The following KCNN2 variants were observed in gnomAD, a reference collection of about 807,000 sequenced individuals.
The protein encoded by KCNN2 is small conductance calcium-activated potassium channel protein 2.
Under a neutral mutation model 55.5 loss-of-function variants are expected in KCNN2, and 24 were observed. That is an observed-to-expected ratio of 0.43 (90% confidence interval 0.31 to 0.61). The LOEUF is 0.61. KCNN2 is among the 20% of genes least tolerant of loss of function. The pLI, the probability that KCNN2 is intolerant of heterozygous loss-of-function variation, is 0.08. For synonymous variants in KCNN2, 431 were observed against 336.1 expected (o/e 1.28, Z -3.09); for missense variants, 754 against 853.6 (o/e 0.88, Z 1.45).
intron 3 of KCNN2, among the ~76,000 whole-genome samples, chr5:114,418,784 C>T (rs1181134704): frequency 6.6e-6 from 1 of 152,186 alleles, no homozygotes; most frequent in Non-Finnish European, 1.5e-5. Context: ...TTCCTGAAAG[C>T]CCCACTAATA....
At chr5:114,161,181 C>A (rs1448301872) in intron 1 of KCNN2, among the ~76,000 whole-genome samples, 1 of 152,128 alleles carries the variant, frequency 6.6e-6, no homozygotes, top group East Asian at 1.9e-4. Flanking sequence ...CCTTCAGGAG[C>A]TCTTTTAGGG....
intron 3 of KCNN2, among the ~76,000 whole-genome samples, chr5:114,449,908 A>ACACACACACACACTCGCGCGCGCG (rs1309590184): frequency 1.5e-5 from 1 of 66,120 alleles, no homozygotes; most frequent in East Asian, 3.1e-3. Context: ...ACACACACAC[A>ACACACACACACACTCGCGCGCGCG]CGCGCGCGCT....
chr5:114,421,379 C>T (rs1759466413), intron 3 of KCNN2, among the ~76,000 whole-genome samples: 1 of 152,124 alleles, frequency 6.6e-6, no homozygotes, highest in South Asian at 2.1e-4. Flanking sequence ...CAACCACCAC[C>T]TCTTGGGTTC....
At chr5:114,149,398 T>A (rs1010141592) in intron 1 of KCNN2, among the ~76,000 whole-genome samples, 2 of 152,150 alleles carry the variant, frequency 1.3e-5, no homozygotes, top group Non-Finnish European at 2.9e-5. Context: ...CGGGGCTCTT[T>A]CCTTATTCCT....
chr5:114,351,378 C>G (rs1221180842), intron 2 of KCNN2, among the ~76,000 whole-genome samples: 1 of 151,764 alleles, frequency 6.6e-6, no homozygotes, highest in East Asian at 1.9e-4. Context: ...GATCCACAGT[C>G]ATGTCCTGTA....
intron 3 of KCNN2, among the ~76,000 whole-genome samples, chr5:114,450,029 T>C (rs1019854750): frequency 1.3e-5 from 2 of 152,176 alleles, no homozygotes; most frequent in African/African-American, 4.8e-5. Context: ...CTGATCTGGC[T>C]GAACTCTGCA....
At chr5:114,118,946 C>A (rs1427823278) in intron 1 of KCNN2, among the ~76,000 whole-genome samples, 1 of 152,088 alleles carries the variant, frequency 6.6e-6, no homozygotes, top group East Asian at 1.9e-4. Flanking sequence ...ACTGACAGAC[C>A]TGGGCCTTGA....
intron 5 of KCNN2, among the ~76,000 whole-genome samples, chr5:114,486,146 T>C (rs1762430126): frequency 6.6e-6 from 1 of 152,208 alleles, no homozygotes; most frequent in South Asian, 2.1e-4. Context: ...TTCCTCCACC[T>C]AGCACCCCAG....
intron 1 of KCNN2, among the ~76,000 whole-genome samples, chr5:114,158,673 T>A (rs201806800): frequency 2.0e-5 from 3 of 151,038 alleles, no homozygotes; most frequent in Admixed American, 6.6e-5. Context: ...TCCTCTTTTA[T>A]TTCATTGAGC....
chr5:114,260,992 A>G (rs1489676773), intron 2 of KCNN2, among the ~76,000 whole-genome samples: 3 of 152,170 alleles, frequency 2.0e-5, no homozygotes, highest in African/African-American at 7.2e-5. Flanking sequence ...CAACCACTGC[A>G]GTTCCCTGGA....
chr5:114,157,063 G>C (rs1427228579), intron 1 of KCNN2, among the ~76,000 whole-genome samples: 2 of 151,396 alleles, frequency 1.3e-5, no homozygotes, highest in Non-Finnish European at 2.9e-5. Flanking sequence ...GTGCAGGTTT[G>C]TTACATATGT....
intron 3 of KCNN2, among the ~76,000 whole-genome samples, chr5:114,455,629 C>T (rs1032263524): frequency 2.0e-5 from 3 of 152,234 alleles, no homozygotes; most frequent in Non-Finnish European, 4.4e-5. Flanking sequence ...GAAGGCATTT[C>T]AAAAGCTGGG....
At chr5:114,471,018 T>G (rs930743035) in intron 4 of KCNN2, among the ~76,000 whole-genome samples, 2 of 152,238 alleles carry the variant, frequency 1.3e-5, no homozygotes, top group Non-Finnish European at 2.9e-5. Flanking sequence ...ATAGGGACAA[T>G]GTTGATTATT....
intron 1 of KCNN2, among the ~76,000 whole-genome samples, chr5:114,066,746 AT>A (rs1750460626): frequency 2.0e-5 from 3 of 151,642 alleles, no homozygotes; most frequent in African/African-American, 7.3e-5. Context: ...CGCCCAGCTA[AT>A]TTTTGTGTGT....
chr5:114,082,258 A>C (rs1009041429), intron 1 of KCNN2, among the ~76,000 whole-genome samples: 2 of 152,010 alleles, frequency 1.3e-5, no homozygotes, highest in Admixed American at 6.6e-5. Context: ...CAGGAGGTCA[A>C]GGCCACAGTG....
At chr5:114,402,682 G>A (rs915355815) in intron 2 of KCNN2, among the ~76,000 whole-genome samples, 2 of 152,118 alleles carry the variant, frequency 1.3e-5, no homozygotes, top group Non-Finnish European at 2.9e-5. Context: ...GAACAATGGC[G>A]GCCCTCGAGG....
intron 2 of KCNN2, among the ~76,000 whole-genome samples, chr5:114,389,200 T>C (rs1236745328): frequency 6.6e-6 from 1 of 152,128 alleles, no homozygotes; most frequent in Non-Finnish European, 1.5e-5. Flanking sequence ...AGCACCTGTT[T>C]TTTCCCCATT....
chr5:114,473,684 C>T (rs1324690859), intron 5 of KCNN2, among the ~76,000 whole-genome samples: 1 of 152,100 alleles, frequency 6.6e-6, no homozygotes, highest in Non-Finnish European at 1.5e-5. Context: ...TCCAGTTGGG[C>T]AATCGCTGTC....
intron 2 of KCNN2, among the ~76,000 whole-genome samples, chr5:114,262,039 A>C (rs1755119702): frequency 6.6e-6 from 1 of 152,184 alleles, no homozygotes; most frequent in Non-Finnish European, 1.5e-5. Context: ...TTATTAAGAG[A>C]AATCTGAGAG....
Sources: gnomAD v4.1 joint callset for allele counts (sites outside exome capture counted in the v4.1 genomes callset) on GRCh38, gnomAD v4.1.1 for gene constraint, MANE v1.5 for transcripts, NCBI Gene and HGNC (gene_info 2026-07-23, HGNC 2026-07-21) for gene names.